Variants in ANO3 observed in about 807,000 individuals in gnomAD.
ANO3 encodes the protein anoctamin 3, also known as anoctamin-3.
ANO3 carries 99 observed loss-of-function variants against 144.8 expected under a neutral mutation model. The observed-to-expected ratio is 0.68, with a 90% confidence interval of 0.58 to 0.81. ANO3 has a LOEUF of 0.81. Ranked by LOEUF, ANO3 falls within the 30% of genes least tolerant of loss-of-function variation. The pLI, the probability that ANO3 is intolerant of heterozygous loss-of-function variation, is 0.00. For missense variants in ANO3, 905 were observed against 1,202.2 expected (o/e 0.75, Z 3.66); for synonymous variants, 414 against 392.6 (o/e 1.05, Z -0.64).
chr11:26,300,935 C>T (rs1407739449), intron 1 of ANO3, among the ~76,000 whole-genome samples: 6 of 133,000 alleles, frequency 4.5e-5, no homozygotes, highest in South Asian at 4.5e-4. Context: ...CTCACTGCCA[C>T]CTCTGCCTCC....
intron 14 of ANO3, among the ~76,000 whole-genome samples, chr11:26,593,108 C>T (rs914462211): frequency 6.6e-6 from 1 of 152,110 alleles, no homozygotes; most frequent in Non-Finnish European, 1.5e-5. Context: ...TTCTGTACAG[C>T]CAATAATAGT....
chr11:26,491,017 T>C (rs1860684414), intron 4 of ANO3, among the ~76,000 whole-genome samples: 1 of 152,238 alleles, frequency 6.6e-6, no homozygotes, highest in Non-Finnish European at 1.5e-5. Flanking sequence ...AAAGCAATTC[T>C]TTTATTCTAT....
chr11:26,544,273 T>TATATATATATACACACAC lies in ANO3; in HGVS notation c.1154+2206_1154+2207insTATATATATACACACACA. 2.7e-3 allele frequency among the ~76,000 whole-genome samples: 158 copies of TATATATATATACACACAC among 58,538 alleles called. 2 individuals carry two copies. The highest frequency in any genetic ancestry group is 0.016 in the East Asian group (14 of 858). 38.4% of individuals were successfully genotyped at this position (58,538 alleles called of 152,430 possible). Reference sequence around the variant, plus strand: ...ATACATATATATATATATATATATATACACACATACACACACACACACACA... The same window carrying TATATATATATACACACAC: ...ATACATATATATATATATATATATATATATATATATACACACACACACACATACACACACACACACACA... On this transcript the variant is annotated intron_variant, in intron 11 of 26. Coordinates refer to ENST00000256737, the MANE Select transcript of ANO3 (RefSeq NM_031418.4).
chr11:26,368,407 A>G (rs1264767449), intron 1 of ANO3, among the ~76,000 whole-genome samples: 1 of 152,204 alleles, frequency 6.6e-6, no homozygotes, highest in Non-Finnish European at 1.5e-5. Flanking sequence ...AACAACCTCA[A>G]TATGAATGTA....
At chr11:26,407,075 T>TATATATATATATAC (rs1224541516) in intron 1 of ANO3, among the ~76,000 whole-genome samples, 4 of 134,152 alleles carry the variant, frequency 3.0e-5, no homozygotes, top group Non-Finnish European at 6.4e-5. Flanking sequence ...TGTGTGTGTG[T>TATATATATATATAC]GTATATATAT....
intron 26 of ANO3, among the ~76,000 whole-genome samples, chr11:26,658,191 T>A (rs1853756854): frequency 1.3e-5 from 2 of 152,208 alleles, no homozygotes; most frequent in Non-Finnish European, 2.9e-5. Context: ...CCCTCCACCA[T>A]TTATTGAAGA....
intron 4 of ANO3, among the ~76,000 whole-genome samples, chr11:26,506,070 T>TA (rs796917096): frequency 3.4e-4 from 51 of 150,074 alleles, no homozygotes; most frequent in African/African-American, 1.1e-3. Context: ...GTGACATTGT[T>TA]AAAAAAAAGT....
At chr11:26,537,551 C>T in intron 10 of ANO3, 90 bp downstream of exon 10, 1 of 1,113,700 alleles carries the variant, frequency 9.0e-7, no homozygotes, top group Non-Finnish European at 1.4e-6. Flanking sequence ...TAGCTGTCCA[C>T]TCCCAGGAGG....
At chr11:26,357,497 C>G (rs1855813016) in intron 1 of ANO3, among the ~76,000 whole-genome samples, 1 of 151,768 alleles carries the variant, frequency 6.6e-6, no homozygotes, top group African/African-American at 2.4e-5. Context: ...ATACATCATC[C>G]TTCATAATGT....
chr11:26,296,058 G>A (rs1443752965), intron 1 of ANO3, among the ~76,000 whole-genome samples: 2 of 152,144 alleles, frequency 1.3e-5, no homozygotes, highest in African/African-American at 4.8e-5. Context: ...GTCCAAATAT[G>A]TGTTTCTTTT....
At chr11:26,240,319 G>T (rs1852635396) in intron 1 of ANO3, among the ~76,000 whole-genome samples, 1 of 152,138 alleles carries the variant, frequency 6.6e-6, no homozygotes, top group Non-Finnish European at 1.5e-5. Context: ...CAGAAGTTGT[G>T]CATAAAATTG....
At chr11:26,232,896 T>G (rs1343269593) in intron 1 of ANO3, among the ~76,000 whole-genome samples, 1 of 152,084 alleles carries the variant, frequency 6.6e-6, no homozygotes, top group Non-Finnish European at 1.5e-5. Flanking sequence ...GACAAAGGGC[T>G]AATAGCCATA....
intron 21 of ANO3, among the ~76,000 whole-genome samples, chr11:26,640,511 A>G (rs1853114423): frequency 1.3e-5 from 2 of 152,224 alleles, no homozygotes; most frequent in African/African-American, 4.8e-5. Flanking sequence ...AGGAAATTAG[A>G]TGTCAAGTGC....
At chr11:26,595,378 AT>A (rs1244834673) in intron 14 of ANO3, among the ~76,000 whole-genome samples, 1 of 149,414 alleles carries the variant, frequency 6.7e-6, no homozygotes, top group Non-Finnish European at 1.5e-5. Context: ...ATCCAGATTC[AT>A]TCCCATAAAC....
chr11:26,564,772 T>C (rs1347758138), intron 14 of ANO3, among the ~76,000 whole-genome samples: 2 of 110,658 alleles, frequency 1.8e-5, no homozygotes, highest in East Asian at 5.9e-4. Flanking sequence ...TATATATATA[T>C]ATATATATAT....
At chr11:26,634,575 TC>T (rs1180064870) in intron 19 of ANO3, among the ~76,000 whole-genome samples, 1 of 152,184 alleles carries the variant, frequency 6.6e-6, no homozygotes, top group Non-Finnish European at 1.5e-5. Flanking sequence ...CTACCTATCA[TC>T]TTAACATTTT....
intron 4 of ANO3, among the ~76,000 whole-genome samples, chr11:26,470,977 A>G (rs186763391): frequency 3.2e-3 from 483 of 152,050 alleles, no homozygotes; most frequent in Non-Finnish European, 5.5e-3. Flanking sequence ...CCCAATAACC[A>G]TGGTAAGAAG....
chr11:26,256,000 T>A (rs1322497889), intron 1 of ANO3, among the ~76,000 whole-genome samples: 1 of 152,040 alleles, frequency 6.6e-6, no homozygotes, highest in South Asian at 2.1e-4. Context: ...TGGTAAATTA[T>A]AAAAGGAGAA....
intron 23 of ANO3, among the ~76,000 whole-genome samples, chr11:26,644,989 A>G (rs939583878): frequency 5.9e-5 from 9 of 152,122 alleles, no homozygotes; most frequent in Non-Finnish European, 1.0e-4. Context: ...ATTGACATAT[A>G]TCTCTCATAG....
Sources: allele counts gnomAD v4.1 joint callset (sites outside exome capture counted in the v4.1 genomes callset), GRCh38; gene constraint gnomAD v4.1.1; transcripts MANE v1.5; gene names NCBI Gene and HGNC (gene_info 2026-07-23, HGNC 2026-07-21).